ADCY9: variants seen among roughly 807,000 people sequenced by gnomAD.
The protein encoded by ADCY9 is adenylate cyclase type 9.
In ADCY9, 50 loss-of-function variants were observed where a neutral mutation model predicts 101.5. The ratio of observed to expected loss-of-function variants is 0.49; its 90% CI spans 0.39 to 0.62. ADCY9 has a LOEUF of 0.62. Among genes scored for constraint, ADCY9 ranks in the 20% least tolerant of loss-of-function variants. ADCY9 has a pLI of 0.00. For missense variants in ADCY9, 1,662 were observed against 1,800.4 expected (o/e 0.92, Z 1.39); for synonymous variants, 905 against 769.3 (o/e 1.18, Z -2.92).
intron 2 of ADCY9, among the ~76,000 whole-genome samples, chr16:4,070,034 G>T (rs2056823875): frequency 6.6e-6 from 1 of 152,116 alleles, no homozygotes; most frequent in South Asian, 2.1e-4. Context: ...GGAGGCAAAG[G>T]TTGCAGTGAG....
intron 6 of ADCY9, among the ~76,000 whole-genome samples, chr16:3,984,639 G>C (rs61124411): frequency 0.15 from 22,798 of 152,132 alleles, 2,070 homozygotes; most frequent in South Asian, 0.33. Flanking sequence ...TCCTGAGTGT[G>C]TCCCTAACCT....
intron 3 of ADCY9, among the ~76,000 whole-genome samples, chr16:4,002,975 C>T (rs1324630059): frequency 1.3e-5 from 2 of 152,196 alleles, no homozygotes; most frequent in Non-Finnish European, 2.9e-5. Context: ...CTCGGCCTCC[C>T]AAAGTGTTGG....
At chr16:4,029,531 G>A (rs746004304) in intron 2 of ADCY9, among the ~76,000 whole-genome samples, 18 of 152,210 alleles carry the variant, frequency 1.2e-4, no homozygotes, top group Non-Finnish European at 1.6e-4. Context: ...TGGACCACCC[G>A]AGGTCGGGAG....
intron 2 of ADCY9, among the ~76,000 whole-genome samples, chr16:4,025,867 G>A (rs2056511438): frequency 6.6e-6 from 1 of 152,232 alleles, no homozygotes; most frequent in Non-Finnish European, 1.5e-5. Context: ...CTACGATTGA[G>A]AGGATGTCAG....
rs141814067 is a variant in ADCY9 at position 4,104,541 on chromosome 16, G to A, written c.1693+9209C>T. On this transcript the variant is annotated intron_variant, in intron 2 of 10. Transcript: ENST00000294016. ...GCAGAAGGATCACTTGAGCCCAGGA[G>A]GTCAAGGCTGGAGTGAGCTATGGTA... Among the ~76,000 whole-genome samples the A allele has an allele frequency of 4.8e-3, 731 of 152,188 alleles. 8 individuals are homozygous for A. The highest frequency in any genetic ancestry group is 0.017 in the African/African-American group (700 of 41,522).
chr16:4,038,214 CA>C (rs1235600205), intron 2 of ADCY9, among the ~76,000 whole-genome samples: 1 of 151,012 alleles, frequency 6.6e-6, no homozygotes, highest in Non-Finnish European at 1.5e-5. Context: ...CCAGGAGGTC[CA>C]GGCTGCAGTG....
At chr16:3,962,271 C>T (rs1243658320), downstream of ADCY9, among the ~76,000 whole-genome samples, 1 of 152,202 alleles carries the variant, frequency 6.6e-6, no homozygotes, top group Non-Finnish European at 1.5e-5. Flanking sequence ...TGCAATCACT[C>T]TTTCCTTTTC....
intron 2 of ADCY9, among the ~76,000 whole-genome samples, chr16:4,055,978 C>A (rs559445102): frequency 6.6e-6 from 1 of 152,168 alleles, no homozygotes; most frequent in African/African-American, 2.4e-5. Flanking sequence ...TGGGTGACTG[C>A]GCGTCTCTGG....
At chr16:4,068,002 A>G (rs1425855218) in intron 2 of ADCY9, among the ~76,000 whole-genome samples, 1 of 151,928 alleles carries the variant, frequency 6.6e-6, no homozygotes, top group Admixed American at 6.6e-5. Flanking sequence ...TTCCTCTTTC[A>G]CTTTTGGGAT....
chr16:4,005,008 C>T (rs2056357818), intron 3 of ADCY9, among the ~76,000 whole-genome samples: 1 of 152,014 alleles, frequency 6.6e-6, no homozygotes, highest in Admixed American at 6.6e-5. Flanking sequence ...ATGAGCATTC[C>T]CCCAAAAGGT....
At chr16:4,049,924 A>G (rs576490731) in intron 2 of ADCY9, among the ~76,000 whole-genome samples, 32 of 152,168 alleles carry the variant, frequency 2.1e-4, no homozygotes, top group Middle Eastern at 6.8e-3. Context: ...CCTGCTACTC[A>G]GGAAGCTAGG....
intron 2 of ADCY9, among the ~76,000 whole-genome samples, chr16:4,058,548 C>G (rs1406571952): frequency 6.6e-6 from 1 of 151,856 alleles, no homozygotes; most frequent in Non-Finnish European, 1.5e-5. Flanking sequence ...GAACCCCATG[C>G]TACACTGACT....
At chr16:4,097,555 T>A (rs9932760) in intron 2 of ADCY9, among the ~76,000 whole-genome samples, 2,331 of 54,610 alleles carry the variant, frequency 0.043, 180 homozygotes, top group African/African-American at 0.25. Context: ...ATATATATAT[T>A]TTTTTTTTTT....
intron 2 of ADCY9, among the ~76,000 whole-genome samples, chr16:4,019,939 G>A (rs1001687874): frequency 4.6e-5 from 7 of 152,078 alleles, no homozygotes; most frequent in African/African-American, 1.4e-4. Flanking sequence ...TTAACCGGGC[G>A]TGGTGGCGGG....
intron 2 of ADCY9, among the ~76,000 whole-genome samples, chr16:4,049,203 C>G (rs1230714829): frequency 1.3e-5 from 2 of 152,178 alleles, no homozygotes; most frequent in Non-Finnish European, 2.9e-5. Context: ...CTCCAAACGG[C>G]CACGCACAGC....
chr16:3,954,532 C>A (rs924300545), intron 5 of ADCY9, among the ~76,000 whole-genome samples: 1 of 152,168 alleles, frequency 6.6e-6, no homozygotes, highest in East Asian at 1.9e-4. Context: ...TTAGTGGCAG[C>A]TTACAGGGAA....
At chr16:4,066,444 G>C (rs990721310) in intron 2 of ADCY9, among the ~76,000 whole-genome samples, 1 of 151,636 alleles carries the variant, frequency 6.6e-6, no homozygotes, top group Admixed American at 6.6e-5. Flanking sequence ...TGGAGTGCAG[G>C]GGCACGATCA....
At chr16:4,109,985 G>A (rs900135565) in intron 2 of ADCY9, among the ~76,000 whole-genome samples, 2 of 152,038 alleles carry the variant, frequency 1.3e-5, no homozygotes, top group African/African-American at 4.8e-5. Flanking sequence ...GAAGCACAGG[G>A]CCCAGCCATA....
chr16:4,043,413 C>A (rs1270201474), intron 2 of ADCY9, among the ~76,000 whole-genome samples: 1 of 152,010 alleles, frequency 6.6e-6, no homozygotes, highest in African/African-American at 2.4e-5. Context: ...GTGGCTCACA[C>A]CTATAATCCC....
Sources: allele counts gnomAD v4.1 joint callset (sites outside exome capture counted in the v4.1 genomes callset), GRCh38; gene constraint gnomAD v4.1.1; transcripts MANE v1.5; gene names NCBI Gene and HGNC (gene_info 2026-07-23, HGNC 2026-07-21).